PRDM13: variants seen among roughly 807,000 people sequenced by gnomAD.
PRDM13 encodes PR domain zinc finger protein 13.
A neutral mutation model predicts 36.4 loss-of-function variants in PRDM13; 15 were observed. That is an observed-to-expected ratio of 0.41 (90% confidence interval 0.28 to 0.64). The LOEUF is 0.64. Among genes scored for constraint, PRDM13 ranks in the 30% least tolerant of loss-of-function variants. PRDM13 has a pLI of 0.29. For synonymous variants in PRDM13, 531 were observed against 467.7 expected, an observed-to-expected ratio of 1.14 and a Z score of -1.75; for missense variants, 1,044 against 1,013.5, an observed-to-expected ratio of 1.03 and a Z score of -0.41.
intron 1 of PRDM13, among the ~76,000 whole-genome samples, chr6:99,607,852 A>G (rs1198490022): frequency 2.0e-5 from 3 of 152,204 alleles, no homozygotes; most frequent in South Asian, 4.1e-4. Context: ...CCAGAGGCCC[A>G]ACCGGGAGGC....
chr6:99,614,120 C>T lies in PRDM13; in HGVS notation c.1485C>T (p.Ser495=). Residue 495 remains serine, a synonymous_variant, in exon 4 of 4, where the codon TCC becomes TCT. Coordinates refer to ENST00000369215, the MANE Select transcript of PRDM13 (RefSeq NM_021620.4). ...GCGGGCTGCTGAAGTATCCGGAGTC[C>T]ATCTCCTACTTCAGCGGGCCTGCAG... ...HFGGLLKYPE[S]ISYFSGPAAA... 6.3e-7 allele frequency: 1 copy of T among 1,599,088 alleles called. No individual in the cohort carries two copies. Among genetic ancestry groups the T allele is most frequent in the Non-Finnish European group, 8.5e-7 (1 of 1,174,216 alleles).
At chr6:99,610,783 A>G (rs1177926589) in intron 3 of PRDM13, among the ~76,000 whole-genome samples, 1 of 152,152 alleles carries the variant, frequency 6.6e-6, no homozygotes, top group Non-Finnish European at 1.5e-5. Flanking sequence ...CGGGCCACTA[A>G]CCTTTAGAAG....
rs1330583871 is a variant in PRDM13, at chr6:99,614,758, A to G, written c.2123A>G (p.Ter708=). The change falls in exon 4 of 4, where the codon TAA becomes TGA. Residue 708 remains the stop codon, a stop_retained_variant. Transcript: ENST00000369215. The part of the protein sequence containing the change: ...EVGGGGERDL[*] ...GGGGGCGGCGGGGAGCGCGACTTGT[A>G]ACGAGTCTTCCCGGGAAGGGGCGGG... 2 of 1,564,782 alleles carry G rather than the reference A, an allele frequency of 1.3e-6. No individual in the cohort carries two copies. Among genetic ancestry groups the G allele is most frequent in the Non-Finnish European group, 1.7e-6 (2 of 1,156,698 alleles).
chr6:99,614,583 A>G lies in PRDM13; in HGVS notation c.1948A>G (p.Lys650Glu), dbSNP rs200554313. The G allele has an allele frequency of 2.1e-4, 345 of 1,612,634 alleles. 6 individuals carry two copies. The East Asian group carries it at 7.6e-3, about 36-fold the overall frequency. ...VRRRDLERHV[K>E]SRHPGQSLLA... is the part of the protein sequence containing the mutation. ...CCGCCGGGACCTGGAGCGACATGTC[A>G]AGTCCCGCCACCCTGGCCAGAGTCT... Residue 650 changes from lysine (K) to glutamate (E), a missense_variant, in exon 4 of 4, where the codon AAG becomes GAG. By Grantham distance (56) the Lys-to-Glu change is moderately conservative. Transcript: ENST00000369215.
rs41288987 is a variant in PRDM13, at chr6:99,614,986, C to T, written c.*227C>T. 1,662 of 616,260 alleles carry T rather than the reference C, an allele frequency of 2.7e-3. 5 individuals carry two copies. The highest frequency in any genetic ancestry group is 3.6e-3 in the Non-Finnish European group (1,340 of 368,372). 38.2% of individuals were successfully genotyped at this position (616,260 alleles called of 1,614,324 possible). A position where few individuals can be genotyped will look rare whatever the true frequency, so the allele number is the denominator to read the frequency against. ...CTGGCCACCTGGAGAGCTCGAGTGCCACCAGTACCTCCGCACCCCGGGCCT... is the reference window on the plus strand; with the variant it reads ...CTGGCCACCTGGAGAGCTCGAGTGCTACCAGTACCTCCGCACCCCGGGCCT... On this transcript the variant is annotated 3_prime_UTR_variant, in exon 4 of 4. Coordinates refer to ENST00000369215, the MANE Select transcript of PRDM13 (RefSeq NM_021620.4).
chr6:99,610,597 T>C (rs760936566), intron 3 of PRDM13, among the ~76,000 whole-genome samples: 20 of 152,240 alleles, frequency 1.3e-4, no homozygotes, highest in Non-Finnish European at 2.5e-4. Flanking sequence ...AGTATCATCG[T>C]CCTCTGTAAG....
intron 1 of PRDM13, among the ~76,000 whole-genome samples, chr6:99,608,107 C>G (rs573673358): frequency 2.0e-5 from 3 of 152,182 alleles, no homozygotes; most frequent in Admixed American, 2.0e-4. Flanking sequence ...GGGACTTGCA[C>G]CTCGCTCCTC....
In PRDM13 at chr6:99,613,325, G is replaced by T; in HGVS notation, c.690G>T (p.Glu230Asp). 1 of 1,556,914 alleles carries T rather than the reference G, an allele frequency of 6.4e-7. No individual in the cohort carries two copies. Among genetic ancestry groups the T allele is most frequent in the East Asian group, 2.4e-5 (1 of 41,938 alleles). The change falls in exon 4 of 4, where the codon GAG becomes GAT. Residue 230 changes from glutamate to aspartate, a missense_variant. Physicochemically the swap from Glu to Asp is conservative, Grantham distance 45. Transcript: ENST00000369215. This position sits in a 1 kb window ranked among gnomAD's most constrained non-coding sequence, Gnocchi z 6.1. ...ACGAREGIKR[E>D]ASSAPSATSP... ...GTGCGCGGGAGGGCATCAAGCGCGA[G>T]GCCTCTTCCGCGCCCTCGGCCACCT...
At chr6:99,609,160 T>A in intron 2 of PRDM13, 27 bp from the exon 3 acceptor site, 2 of 1,611,890 alleles carry the variant, frequency 1.2e-6, no homozygotes, top group Non-Finnish European at 1.7e-6. Flanking sequence ...GAAATGACAT[T>A]GAACTGTTCT....
Position 99,613,989 on chromosome 6 carries a change from T to G in PRDM13, c.1354T>G (p.Cys452Gly). The change falls in exon 4 of 4, where the codon TGC (cysteine) becomes GGC (glycine). Residue 452 changes from cysteine (C) to glycine (G), a missense_variant. Cys to Gly is a radical substitution (Grantham distance 159). This residue lies in a region of PRDM13 where 921 missense variants were observed against 865.2 expected (regional missense o/e 1.06). Transcript: ENST00000369215. The surrounding 1 kb of genome is among the most constrained non-coding windows in gnomAD (Gnocchi z 6.1). ...GGLKAYPGGE[C>G]SHLPAVMPAF... ...TCTCAAAGCCTATCCGGGTGGTGAG[T>G]GCAGCCACCTGCCCGCCGTCATGCC... The G allele has an allele frequency of 6.2e-7, 1 of 1,609,226 alleles. No homozygotes were observed. The highest frequency in any genetic ancestry group is 8.5e-7 in the Non-Finnish European group (1 of 1,178,720).
Position 99,607,133 on chromosome 6 carries a change from G to A in PRDM13, c.99G>A (p.Leu33=). The A allele has an allele frequency of 6.2e-7, 1 of 1,613,994 alleles. No individual in the cohort carries two copies. The highest frequency in any genetic ancestry group is 1.1e-5 in the South Asian group (1 of 91,072). ...RLGPVPGTFK[L]GKYLSDRREP... ...GACCGGTGCCTGGTACCTTCAAGCT[G>A]GGCAAGTACCTGTCAGACCGCAGGG... Residue 33 remains leucine, a synonymous_variant, in exon 1 of 4, where the codon CTG becomes CTA. Coordinates refer to ENST00000369215, the MANE Select transcript of PRDM13 (RefSeq NM_021620.4).
At position 99,606,887 on chromosome 6, in the gene PRDM13, C is replaced by T. The variant is rs1583612888; in HGVS notation, c.-148C>T. On this transcript the variant is annotated 5_prime_UTR_variant, in exon 1 of 4. Coordinates refer to ENST00000369215, the MANE Select transcript of PRDM13 (RefSeq NM_021620.4). ...AAGGCTCCCGCCCCGATTGAAAAGG[C>T]GCAGTGCATGCCCGCCCGCGTCACT... 9.3e-7 allele frequency: 1 copy of T among 1,072,326 alleles called. No individual in the cohort carries two copies. The highest frequency in any genetic ancestry group is 3.2e-4 in the Middle Eastern group (1 of 3,170). 66.4% of individuals were successfully genotyped at this position (1,072,326 alleles called of 1,614,324 possible). A position where few individuals can be genotyped will look rare whatever the true frequency, so the allele number is the denominator to read the frequency against.
In PRDM13 at chr6:99,607,046, C is replaced by G; in HGVS notation, c.12C>G (p.Ala4=). The change falls in exon 1 of 4, where the codon GCC becomes GCG. Residue 4 remains alanine, a synonymous_variant. Transcript: ENST00000369215. The part of the protein sequence containing the change: MHG[A]ARAPATSVSA... Reference sequence around the variant, plus strand: ...TGGCGGCGGCAACAATGCACGGAGCCGCCAGAGCGCCAGCCACCAGCGTGA... The same window carrying G: ...TGGCGGCGGCAACAATGCACGGAGCGGCCAGAGCGCCAGCCACCAGCGTGA... The G allele has an allele frequency of 6.2e-7, 1 of 1,610,830 alleles. No homozygotes were observed. The highest frequency in any genetic ancestry group is 8.5e-7 in the Non-Finnish European group (1 of 1,178,724).
In PRDM13 at chr6:99,614,954, C is replaced by T. The variant is rs999650187; in HGVS notation, c.*195C>T. ...ACTCAGAGCAACAGTTCAGAGGTGG[C>T]GTAAATCTGGCCACCTGGAGAGCTC... On this transcript the variant is annotated 3_prime_UTR_variant, in exon 4 of 4. Coordinates refer to ENST00000369215, the MANE Select transcript of PRDM13 (RefSeq NM_021620.4). The T allele has an allele frequency of 6.3e-6, 5 of 798,418 alleles. No homozygotes were observed. The African/African-American group carries it at 8.7e-5, about 14-fold the overall frequency. 49.5% of individuals were successfully genotyped at this position (798,418 alleles called of 1,614,324 possible).
Position 99,613,791 on chromosome 6 carries a change from C to A in PRDM13, c.1156C>A (p.Leu386Met). Residue 386 changes from leucine to methionine, a missense_variant, in exon 4 of 4, where the codon CTG (leucine) becomes ATG (methionine). This residue lies in a region of PRDM13 where 921 missense variants were observed against 865.2 expected (regional missense o/e 1.06). Coordinates refer to ENST00000369215, the MANE Select transcript of PRDM13 (RefSeq NM_021620.4). The surrounding 1 kb of genome is among the most constrained non-coding windows in gnomAD (Gnocchi z 6.1). ...PPPGLPCSGA[L>M]RGFPLLSVPP... ...GCCTGGCCTGCCCTGCTCTGGGGCC[C>A]TGCGCGGCTTCCCTCTGCTCTCCGT... 6.6e-7 allele frequency: 1 copy of A among 1,508,012 alleles called. No individual in the cohort carries two copies. The highest frequency in any genetic ancestry group is 2.1e-5 in the Admixed American group (1 of 48,162). 93.4% of individuals were successfully genotyped at this position (1,508,012 alleles called of 1,614,324 possible). A position where few individuals can be genotyped will look rare whatever the true frequency, so the allele number is the denominator to read the frequency against.
At position 99,614,866 on chromosome 6, in the gene PRDM13, C is replaced by T. The variant is rs1438984296; in HGVS notation, c.*107C>T. 2.1e-6 allele frequency: 3 copies of T among 1,413,616 alleles called. No individual in the cohort carries two copies. Among genetic ancestry groups the T allele is most frequent in the African/African-American group, 2.9e-5 (2 of 69,498 alleles). The allele number at this position is 1,413,616 out of a possible 1,614,324, so 87.6% of individuals were successfully genotyped here. On this transcript the variant is annotated 3_prime_UTR_variant, in exon 4 of 4. Coordinates refer to ENST00000369215, the MANE Select transcript of PRDM13 (RefSeq NM_021620.4). The stretch of plus-strand genomic sequence containing the variant: ...GGAAGAGGGACCCAATGGACAAAAC[C>T]GTTTTTGTTTTTGAGAGGGCGCCAG...
Position 99,614,375 on chromosome 6 carries a change from G to C in PRDM13, c.1740G>C (p.Lys580Asn). The C allele has an allele frequency of 6.2e-7, 1 of 1,613,284 alleles. No individual in the cohort carries two copies. The highest frequency in any genetic ancestry group is 1.1e-5 in the South Asian group (1 of 91,054). ...KTGHLCLYCG[K>N]LYSRKYGLKI... is the part of the protein sequence containing the mutation. ...GCCACCTGTGCCTCTACTGTGGCAA[G>C]CTGTACTCGCGCAAGTATGGGCTCA... The change falls in exon 4 of 4, where the codon AAG becomes AAC. Residue 580 changes from lysine (K) to asparagine (N), a missense_variant. By Grantham distance (94) the Lys-to-Asn change is moderately conservative. This residue lies in a region of PRDM13 where 921 missense variants were observed against 865.2 expected (regional missense o/e 1.06). Transcript: ENST00000369215.
chr6:99,613,078 AC>A lies in PRDM13; in HGVS notation c.447del (p.Asn150ThrfsTer112). The A allele has an allele frequency of 6.2e-7, 1 of 1,613,564 alleles. No homozygotes were observed. On this transcript the variant is annotated frameshift_variant, in exon 4 of 4. Transcript: ENST00000369215. LOFTEE classifies it low-confidence loss of function (END_TRUNC). This position sits in a 1 kb window ranked among gnomAD's most constrained non-coding sequence, Gnocchi z 6.1. ...TGGTACTGCTGGAGGACGTTTAGAT[AC>A]CCCAACAGCCTTAAGGCACACCTGC... ...ICWYCWRTFR[Y>X]PNSLKAHLRF...
chr6:99,609,410 A>G (rs1427596272), intron 3 of PRDM13, 103 bp downstream of exon 3: 2 of 1,445,186 alleles, frequency 1.4e-6, no homozygotes, highest in South Asian at 1.3e-5. Context: ...TGGAATTCAC[A>G]TTCCCTGTAT....
Sources: gnomAD v4.1 joint callset for allele counts (sites outside exome capture counted in the v4.1 genomes callset) on GRCh38, gnomAD v4.1.1 for gene constraint, gnomAD v4.1.1 regional missense constraint, Gnocchi (gnomAD v3.1) non-coding constraint, MANE v1.5 for transcripts, NCBI Gene and HGNC (gene_info 2026-07-23, HGNC 2026-07-21) for gene names.